The following CBFA2T2 variants were observed in gnomAD, a reference collection of about 807,000 sequenced individuals.
CBFA2T2 encodes the protein protein CBFA2T2.
CBFA2T2 carries 11 observed loss-of-function variants against 62.2 expected under a neutral mutation model. The ratio of observed to expected loss-of-function variants is 0.18; its 90% CI spans 0.11 to 0.29. The LOEUF (loss-of-function observed/expected upper bound fraction) is 0.29. Among genes scored for constraint, CBFA2T2 ranks in the 10% least tolerant of loss-of-function variants. The pLI, the probability that CBFA2T2 is intolerant of heterozygous loss-of-function variation, is 1.00. For synonymous variants in CBFA2T2, 295 were observed against 287.5 expected, an observed-to-expected ratio of 1.03 and a Z score of -0.27; for missense variants, 592 against 774.1, an observed-to-expected ratio of 0.76 and a Z score of 2.79.
intron 1 of CBFA2T2, among the ~76,000 whole-genome samples, chr20:33,596,193 A>G (rs147121568): frequency 9.7e-4 from 147 of 152,294 alleles, no homozygotes; most frequent in African/African-American, 3.3e-3. Context: ...AAAATTTTAT[A>G]TTAACTCTTT....
At chr20:33,631,462 C>G (rs1387836435) in intron 8 of CBFA2T2, among the ~76,000 whole-genome samples, 1 of 152,226 alleles carries the variant, frequency 6.6e-6, no homozygotes. Context: ...AGCCATACCT[C>G]ATTCATCAGT....
intron 8 of CBFA2T2, among the ~76,000 whole-genome samples, chr20:33,633,801 G>GTTTGCCATGA (rs1184776217): frequency 6.8e-6 from 1 of 147,416 alleles, no homozygotes; most frequent in African/African-American, 2.7e-5. Context: ...TACTACTATG[G>GTTTGCCATGA]CTTGCCATGA....
At chr20:33,618,274 A>AC (rs2015786081) in intron 3 of CBFA2T2, among the ~76,000 whole-genome samples, 1 of 152,086 alleles carries the variant, frequency 6.6e-6, no homozygotes, top group Non-Finnish European at 1.5e-5. Flanking sequence ...TCTAAAAGTA[A>AC]ATTCCTAGAA....
intron 1 of CBFA2T2, among the ~76,000 whole-genome samples, chr20:33,510,303 C>T (rs529935476): frequency 5.3e-5 from 8 of 151,796 alleles, no homozygotes; most frequent in Non-Finnish European, 1.0e-4. Flanking sequence ...CTCCACCTCC[C>T]GGGTTCATGC....
chr20:33,569,612 A>G (rs1335508718), intron 1 of CBFA2T2, among the ~76,000 whole-genome samples: 1 of 152,204 alleles, frequency 6.6e-6, no homozygotes, highest in Non-Finnish European at 1.5e-5. Flanking sequence ...CTGTCAGTGA[A>G]GGGTATTCTG....
intron 1 of CBFA2T2, among the ~76,000 whole-genome samples, chr20:33,545,887 T>C (rs1179242912): frequency 6.6e-6 from 1 of 152,246 alleles, no homozygotes; most frequent in Non-Finnish European, 1.5e-5. Flanking sequence ...ATAGTAGATA[T>C]TATATTGATG....
At chr20:33,579,791 A>C (rs549504235) in intron 1 of CBFA2T2, among the ~76,000 whole-genome samples, 4 of 147,258 alleles carry the variant, frequency 2.7e-5, no homozygotes, top group Admixed American at 6.8e-5. Flanking sequence ...ATCTTGGTAC[A>C]TCTTGGTGTC....
chr20:33,493,144 C>T (rs544037919), intron 1 of CBFA2T2, among the ~76,000 whole-genome samples: 3 of 138,994 alleles, frequency 2.2e-5, no homozygotes, highest in Non-Finnish European at 3.0e-5. Flanking sequence ...GGCATGATCT[C>T]GGCTCACTGC....
At chr20:33,566,574 C>A (rs2013321093) in intron 1 of CBFA2T2, among the ~76,000 whole-genome samples, 1 of 151,646 alleles carries the variant, frequency 6.6e-6, no homozygotes, top group East Asian at 1.9e-4. Flanking sequence ...CCACTGTACT[C>A]CAGCTTGGGC....
chr20:33,636,295 GT>G, intron 8 of CBFA2T2, among the ~76,000 whole-genome samples: 1 of 150,862 alleles, frequency 6.6e-6, no homozygotes, highest in Non-Finnish European at 1.5e-5. Context: ...GTGCATTTAT[GT>G]TTTATACATT....
Position 33,521,127 on chromosome 20 carries a change from C to T in CBFA2T2, c.34+30826C>T, listed in dbSNP as rs149644729. ...GCTTTAGGGGGAGAAGAAAACATTT[C>T]TCAATTATAAAGTATACAACTAGGA... On this transcript the variant is annotated intron_variant, in intron 1 of 10. Coordinates refer to ENST00000342704, the MANE Select transcript of CBFA2T2 (RefSeq NM_001032999.3). Among the ~76,000 whole-genome samples the T allele has an allele frequency of 4.1e-4, 63 of 152,050 alleles. 1 individual carries two copies. The highest frequency in any genetic ancestry group is 4.3e-4 in the Non-Finnish European group (29 of 67,988).
intron 1 of CBFA2T2, among the ~76,000 whole-genome samples, chr20:33,598,641 T>C (rs1252462497): frequency 6.6e-6 from 1 of 152,186 alleles, no homozygotes; most frequent in South Asian, 2.1e-4. Context: ...TGAGGCGATA[T>C]ACATCCTCCT....
At chr20:33,542,061 T>C (rs1362862780) in intron 1 of CBFA2T2, among the ~76,000 whole-genome samples, 2 of 152,072 alleles carry the variant, frequency 1.3e-5, no homozygotes, top group Non-Finnish European at 2.9e-5. Context: ...CAAACTTTAG[T>C]GTATAGAGGA....
rs1435785202 is a variant in CBFA2T2 at position 33,513,975 on chromosome 20, A to G, written c.34+23674A>G. ...GAGTGCAGTGGTGCGATCTCGGCTC[A>G]CTGCAGCCTCTGCCTCCTGGGTTCC... On this transcript the variant is annotated intron_variant, in intron 1 of 10. Coordinates refer to ENST00000342704, the MANE Select transcript of CBFA2T2 (RefSeq NM_001032999.3). Among the ~76,000 whole-genome samples the G allele has an allele frequency of 1.6e-3, 203 of 130,648 alleles. No individual in the cohort carries two copies. The Middle Eastern group carries it at 0.02, about 13-fold the overall frequency. 85.7% of individuals were successfully genotyped at this position (130,648 alleles called of 152,430 possible).
intron 1 of CBFA2T2, among the ~76,000 whole-genome samples, chr20:33,580,823 C>T (rs2014078144): frequency 6.6e-6 from 1 of 152,156 alleles, no homozygotes. Flanking sequence ...CACTGTATTC[C>T]AGCCTGGGTA....
In CBFA2T2 at chr20:33,537,359, C is replaced by T. The variant is rs529176241; in HGVS notation, c.34+47058C>T. Among the ~76,000 whole-genome samples, 398 of 152,344 alleles carry T rather than the reference C, an allele frequency of 2.6e-3. 6 individuals carry two copies. Among genetic ancestry groups the T allele is most frequent in the African/African-American group, 9.2e-3 (383 of 41,586 alleles). On this transcript the variant is annotated intron_variant, in intron 1 of 10. Transcript: ENST00000342704. ...AAAACCAGTCAGGCGTGGCAGCGCGCGCCTGCAATCGCAGGCACTCGGCAG... is the reference window on the plus strand; with the variant it reads ...AAAACCAGTCAGGCGTGGCAGCGCGTGCCTGCAATCGCAGGCACTCGGCAG...
At chr20:33,554,480 C>T (rs2012831284) in intron 1 of CBFA2T2, among the ~76,000 whole-genome samples, 1 of 151,818 alleles carries the variant, frequency 6.6e-6, no homozygotes, top group South Asian at 2.1e-4. Context: ...AACTCCTGAC[C>T]TCAAGTGATC....
At chr20:33,544,940 T>TAGAACAGAACAGAACAGAAC (rs1419558436) in intron 1 of CBFA2T2, among the ~76,000 whole-genome samples, 24 of 127,284 alleles carry the variant, frequency 1.9e-4, no homozygotes, top group African/African-American at 7.7e-4. Context: ...GTGAATAGAA[T>TAGAACAGAACAGAACAGAAC]AGAACAGAAT....
At chr20:33,556,572 C>T (rs2012901669) in intron 1 of CBFA2T2, among the ~76,000 whole-genome samples, 1 of 152,162 alleles carries the variant, frequency 6.6e-6, no homozygotes, top group Non-Finnish European at 1.5e-5. Flanking sequence ...GTAGTCTCAG[C>T]ATCTAGTGGT....
Sources: allele counts gnomAD v4.1 joint callset (sites outside exome capture counted in the v4.1 genomes callset), GRCh38; gene constraint gnomAD v4.1.1; transcripts MANE v1.5; gene names NCBI Gene and HGNC (gene_info 2026-07-23, HGNC 2026-07-21).